The following ASPSCR1 variants were observed in gnomAD, a reference collection of about 807,000 sequenced individuals.
ASPSCR1 encodes the protein tether containing UBX domain for GLUT4.
A neutral mutation model predicts 68.9 loss-of-function variants in ASPSCR1; 55 were observed. The ratio of observed to expected loss-of-function variants is 0.80; its 90% confidence interval spans 0.64 to 1.00. The LOEUF (loss-of-function observed/expected upper bound fraction) is 1.00. Among genes scored for constraint, ASPSCR1 ranks in the 50% least tolerant of loss-of-function variants. The probability of loss-of-function intolerance (pLI) is 0.00; values close to 1 mark genes in which losing one functional copy is unlikely to be tolerated. For synonymous variants in ASPSCR1, 352 were observed against 332.6 expected, an observed-to-expected ratio of 1.06 and a Z score of -0.63; for missense variants, 765 against 762.2, an observed-to-expected ratio of 1.00 and a Z score of -0.04.
At chr17:82,002,213 T>C (rs969814383) in intron 7 of ASPSCR1, among the ~76,000 whole-genome samples, 15 of 151,982 alleles carry the variant, frequency 9.9e-5, no homozygotes, top group Admixed American at 4.6e-4. Context: ...TTTTTTCTTA[T>C]GAGTACCTCA....
intron 2 of ASPSCR1, among the ~76,000 whole-genome samples, chr17:81,979,975 G>GT (rs374291503): frequency 1.1e-4 from 16 of 151,382 alleles, no homozygotes; most frequent in African/African-American, 1.9e-4. Context: ...GTTTTCTGGT[G>GT]TTTTTTTTGT....
chr17:81,991,475 G>A (rs1296661617), intron 4 of ASPSCR1, among the ~76,000 whole-genome samples: 3 of 152,198 alleles, frequency 2.0e-5, no homozygotes, highest in African/African-American at 4.8e-5. Context: ...GCCAGGTGGA[G>A]CACTGGCCTG....
chr17:81,978,907 G>C, intron 1 of ASPSCR1: 1 of 537,846 alleles, frequency 1.9e-6, no homozygotes, highest in Non-Finnish European at 3.4e-6. Flanking sequence ...GTGTGTGCCA[G>C]GAAGATGCCC....
At position 82,010,301 on chromosome 17, in the gene ASPSCR1, G is replaced by GGCA. The variant is rs2042883803; in HGVS notation, c.1171-500_1171-499insCAG. 3.3e-5 allele frequency among the ~76,000 whole-genome samples: 5 copies of GGCA among 151,040 alleles called. No homozygotes were observed. In the South Asian group the frequency reaches 8.3e-4, roughly 25 times the overall value. ...TCCCAGCACTTTGGGAGGCCAAGGT[G>GGCA]GGCGGATCATGAGGTCAGGAGATCG... is the stretch of plus-strand genomic sequence containing the variant. On this transcript the variant is annotated intron_variant, in intron 9 of 15. Coordinates refer to ENST00000306739, the MANE Select transcript of ASPSCR1 (RefSeq NM_024083.4).
chr17:81,993,330 C>T (rs1361392885), intron 4 of ASPSCR1, among the ~76,000 whole-genome samples: 4 of 152,184 alleles, frequency 2.6e-5, no homozygotes, highest in Admixed American at 6.5e-5. Flanking sequence ...TCTCCTGCCT[C>T]AGCCTCCCGA....
intron 4 of ASPSCR1, among the ~76,000 whole-genome samples, chr17:81,989,409 G>A (rs998381863): frequency 2.0e-5 from 3 of 152,184 alleles, no homozygotes; most frequent in African/African-American, 7.2e-5. Flanking sequence ...GGAGGCTCTC[G>A]TGCCTAGTGT....
intron 7 of ASPSCR1, chr17:82,004,432 G>A (rs1281998023): frequency 6.6e-6 from 1 of 152,348 alleles, no homozygotes; most frequent in African/African-American, 2.4e-5. Context: ...GTCCACCGGG[G>A]GCCTGGGTTT....
intron 1 of ASPSCR1, chr17:81,978,728 G>C (rs952942452): frequency 4.8e-6 from 1 of 210,420 alleles, no homozygotes; most frequent in African/African-American, 2.3e-5. Flanking sequence ...AGGCTGCGCG[G>C]GACCCCTTGG....
Position 82,010,818 on chromosome 17 carries a change from T to C in ASPSCR1, c.1187T>C (p.Leu396Pro). 1.9e-6 allele frequency: 3 copies of C among 1,613,254 alleles called. No homozygotes were observed. Among genetic ancestry groups the C allele is most frequent in the Non-Finnish European group, 2.5e-6 (3 of 1,179,910 alleles). The change falls in exon 10 of 16, where the codon CTG (leucine) becomes CCG (proline). Residue 396 changes from leucine (L) to proline (P), a missense_variant. Leu to Pro is a moderately conservative substitution (Grantham distance 98, BLOSUM62 -3). Transcript: ENST00000306739. ...ERYPKVALRV[L>P]FPDRYVLQGF... ...CTGGCCTAGGTGGCTCTGAGGGTCC[T>C]GTTCCCCGACCGCTACGTCCTACAG... is the stretch of plus-strand genomic sequence containing the variant.
chr17:81,988,335 CT>C (rs1567961786), intron 4 of ASPSCR1, among the ~76,000 whole-genome samples: 2 of 151,826 alleles, frequency 1.3e-5, no homozygotes, highest in East Asian at 3.9e-4. Flanking sequence ...ATGGCTCATG[CT>C]TGTAGTCCCA....
rs1055532790 is a variant in ASPSCR1, at chr17:81,977,830, G to C, written c.102+82G>C. 4 of 1,071,950 alleles carry C rather than the reference G, an allele frequency of 3.7e-6. No homozygotes were observed. Among genetic ancestry groups the C allele is most frequent in the South Asian group, 4.7e-5 (1 of 21,404 alleles). The allele number at this position is 1,071,950 out of a possible 1,614,324, so 66.4% of individuals were successfully genotyped here. ...CCCCGCCCATTGCGGTCGGCGTCCC[G>C]GTGTTCGGGGGCGGGGCCTCGGCGG... On this transcript the variant is annotated intron_variant, in intron 1 of 15. Transcript: ENST00000306739. This position sits in a 1 kb window ranked among gnomAD's most constrained non-coding sequence, Gnocchi z 5.0.
chr17:82,012,126 C>A, intron 11 of ASPSCR1, 105 bp from the exon 12 acceptor site: 2 of 1,333,216 alleles, frequency 1.5e-6, no homozygotes, highest in Non-Finnish European at 2.2e-6. Flanking sequence ...GGCTCTTCTG[C>A]CCCACTTGAG....
chr17:82,000,073 G>A (rs929799379), intron 7 of ASPSCR1, among the ~76,000 whole-genome samples: 11 of 152,232 alleles, frequency 7.2e-5, no homozygotes, highest in African/African-American at 2.4e-4. Flanking sequence ...TGAAGCGCTC[G>A]TGCCCCTCGA....
At chr17:82,005,979 A>T (rs981780355) in intron 7 of ASPSCR1, 1 of 152,380 alleles carries the variant, frequency 6.6e-6, no homozygotes, top group Non-Finnish European at 1.5e-5. Flanking sequence ...TTCTCTCAGC[A>T]GATGCTGCTG....
chr17:81,994,960 G>A (rs558217429), intron 5 of ASPSCR1, 82 bp downstream of exon 5: 10 of 1,428,068 alleles, frequency 7.0e-6, no homozygotes, highest in African/African-American at 2.8e-5. Context: ...TCCCGCAGCC[G>A]TCTCCAGGGC....
intron 10 of ASPSCR1, 45 bp downstream of exon 10, chr17:82,010,913 A>G (rs746294503): frequency 3.8e-6 from 6 of 1,591,158 alleles, no homozygotes; most frequent in South Asian, 1.1e-5. Flanking sequence ...GCAGGGGCCC[A>G]TGGGGCCTCT....
intron 3 of ASPSCR1, among the ~76,000 whole-genome samples, chr17:81,985,048 CCACA>C (rs1163483954): frequency 1.5e-5 from 2 of 134,896 alleles, no homozygotes; most frequent in Non-Finnish European, 3.1e-5. Flanking sequence ...CACCTCCCCC[CCACA>C]CACACCCACG....
At position 81,979,858 on chromosome 17, in the gene ASPSCR1, T is replaced by C. The variant is rs147132825; in HGVS notation, c.158+619T>C. Among the ~76,000 whole-genome samples, 1,246 of 152,312 alleles carry C rather than the reference T, an allele frequency of 8.2e-3. 14 individuals are homozygous for C. The highest frequency in any genetic ancestry group is 0.011 in the Non-Finnish European group (766 of 68,026). ...GGGGATATTGTTCCCAAGAGAGGGC[T>C]TCTGCCAGACTCTCAAGGAGTCTGA... is the stretch of plus-strand genomic sequence containing the variant. On this transcript the variant is annotated intron_variant, in intron 2 of 15. Transcript: ENST00000306739.
intron 13 of ASPSCR1, 39 bp downstream of exon 13, chr17:82,016,566 C>A: frequency 6.5e-7 from 1 of 1,548,854 alleles, no homozygotes; most frequent in South Asian, 1.2e-5. Context: ...GGAGTCCAGC[C>A]AGCCTGTCCC....
Sources: allele counts gnomAD v4.1 joint callset (sites outside exome capture counted in the v4.1 genomes callset), GRCh38; gene constraint gnomAD v4.1.1; non-coding constraint Gnocchi (gnomAD v3.1); transcripts MANE v1.5; gene names NCBI Gene and HGNC (gene_info 2026-07-23, HGNC 2026-07-21).